RORA: variants seen among roughly 807,000 people sequenced by gnomAD.
RORA encodes RAR related orphan receptor A.
In RORA, 7 loss-of-function variants were observed where a neutral mutation model predicts 69.5. The observed-to-expected ratio is 0.10, with a 90% CI of 0.06 to 0.19. The LOEUF (loss-of-function observed/expected upper bound fraction) is 0.19, where lower values mean the gene tolerates loss of function less well. RORA is among the 10% of genes least tolerant of loss of function. RORA has a pLI of 1.00. For synonymous variants in RORA, 261 were observed against 240.8 expected, an observed-to-expected ratio of 1.08 and a Z score of -0.78; for missense variants, 457 against 663.0, an observed-to-expected ratio of 0.69 and a Z score of 3.41.
chr15:60,753,809 T>A (rs1274903406), intron 1 of RORA, among the ~76,000 whole-genome samples: 2 of 152,260 alleles, frequency 1.3e-5, no homozygotes, highest in African/African-American at 4.8e-5. Flanking sequence ...CACAAATGCA[T>A]GAATTTCTAT....
chr15:61,193,933 G>C (rs530161346), intron 1 of RORA: 1 of 152,252 alleles, frequency 6.6e-6, no homozygotes, highest in African/African-American at 2.4e-5. Context: ...CCTTTTTCAA[G>C]AATTGCTGTA....
At chr15:60,568,376 G>A (rs1248227500) in intron 2 of RORA, among the ~76,000 whole-genome samples, 5 of 152,200 alleles carry the variant, frequency 3.3e-5, no homozygotes, top group African/African-American at 1.2e-4. Context: ...CCTCCATGAG[G>A]CAGCATGGCA....
At chr15:61,036,381 C>T (rs11071584) in intron 1 of RORA, among the ~76,000 whole-genome samples, 8 of 152,032 alleles carry the variant, frequency 5.3e-5, no homozygotes, top group Middle Eastern at 6.8e-3. Flanking sequence ...TACTATAGGG[C>T]GGAAAGCACA....
intron 2 of RORA, among the ~76,000 whole-genome samples, chr15:60,561,860 C>G (rs2067570533): frequency 6.6e-6 from 1 of 152,008 alleles, no homozygotes; most frequent in Non-Finnish European, 1.5e-5. Context: ...TTGTTCCTGA[C>G]TAGATGCTGC....
chr15:61,121,178 C>G (rs1017458096), intron 1 of RORA, among the ~76,000 whole-genome samples: 1 of 152,122 alleles, frequency 6.6e-6, no homozygotes, highest in African/African-American at 2.4e-5. Context: ...ATCCTTACCA[C>G]CACTCCATAA....
At chr15:60,942,631 C>T (rs1892734824) in intron 1 of RORA, among the ~76,000 whole-genome samples, 1 of 152,210 alleles carries the variant, frequency 6.6e-6, no homozygotes, top group South Asian at 2.1e-4. Context: ...ACTGATGATA[C>T]TTAGAGATTG....
At chr15:60,997,427 T>C (rs1352096634) in intron 1 of RORA, among the ~76,000 whole-genome samples, 1 of 152,186 alleles carries the variant, frequency 6.6e-6, no homozygotes, top group Non-Finnish European at 1.5e-5. Flanking sequence ...AGTTTTGCAT[T>C]AGTTTTATTT....
intron 1 of RORA, among the ~76,000 whole-genome samples, chr15:60,825,050 G>A (rs967841280): frequency 6.6e-6 from 1 of 152,196 alleles, no homozygotes; most frequent in Non-Finnish European, 1.5e-5. Context: ...CAAGTGATGA[G>A]AGCATTGTTG....
chr15:60,682,679 G>T (rs567546794), intron 1 of RORA, among the ~76,000 whole-genome samples: 1 of 152,272 alleles, frequency 6.6e-6, no homozygotes, highest in African/African-American at 2.4e-5. Flanking sequence ...ATCCAAGTGG[G>T]CTGCTGATCA....
chr15:61,030,178 C>T (rs1159762160), intron 1 of RORA, among the ~76,000 whole-genome samples: 1 of 152,000 alleles, frequency 6.6e-6, no homozygotes, highest in African/African-American at 2.4e-5. Context: ...ACTAAAGAGA[C>T]CTGACAACTA....
intron 1 of RORA, among the ~76,000 whole-genome samples, chr15:61,228,018 C>T (rs532903796): frequency 3.3e-5 from 5 of 151,962 alleles, no homozygotes; most frequent in Admixed American, 6.5e-5. Context: ...AACTGAGTCC[C>T]CCCCATCCCC....
At chr15:61,049,440 AAAT>A (rs894676251) in intron 1 of RORA, among the ~76,000 whole-genome samples, 1 of 152,200 alleles carries the variant, frequency 6.6e-6, no homozygotes, top group African/African-American at 2.4e-5. Context: ...CCTCAAACGA[AAAT>A]AATAATACTA....
At chr15:60,898,504 T>TAAAG (rs1488569532) in intron 1 of RORA, among the ~76,000 whole-genome samples, 1 of 66,610 alleles carries the variant, frequency 1.5e-5, no homozygotes, top group African/African-American at 8.2e-5. Context: ...TCTCTAAAAA[T>TAAAG]AAATAAATAA....
chr15:60,928,222 A>T (rs1401870758), intron 1 of RORA, among the ~76,000 whole-genome samples: 1 of 152,212 alleles, frequency 6.6e-6, no homozygotes, highest in Admixed American at 6.5e-5. Context: ...CTTTTGCAAC[A>T]TATTCATGGA....
intron 1 of RORA, among the ~76,000 whole-genome samples, chr15:60,775,133 A>G (rs981638942): frequency 1.3e-5 from 2 of 152,116 alleles, no homozygotes; most frequent in African/African-American, 4.8e-5. Flanking sequence ...TAAGTTCCGT[A>G]AACTTGTGTC....
chr15:60,835,531 C>T (rs1263651687), intron 1 of RORA, among the ~76,000 whole-genome samples: 1 of 152,212 alleles, frequency 6.6e-6, no homozygotes, highest in African/African-American at 2.4e-5. Context: ...GAATGTGAGA[C>T]ACCAGTGAAA....
At chr15:60,814,261 C>T (rs79610262) in intron 1 of RORA, among the ~76,000 whole-genome samples, 10,604 of 152,180 alleles carry the variant, frequency 0.07, 532 homozygotes, top group Admixed American at 0.13. Flanking sequence ...ACTCCCCAGG[C>T]AGAATTAGCC....
chr15:61,185,566 C>A (rs1293259137), intron 1 of RORA, among the ~76,000 whole-genome samples: 1 of 152,194 alleles, frequency 6.6e-6, no homozygotes, highest in East Asian at 1.9e-4. Flanking sequence ...ACTGGTCCCC[C>A]AAACTAGAAA....
At chr15:60,785,711 A>C (rs1356469824) in intron 1 of RORA, among the ~76,000 whole-genome samples, 1 of 152,170 alleles carries the variant, frequency 6.6e-6, no homozygotes. Flanking sequence ...GGACCTTTGC[A>C]TATCACACTC....
Sources: gnomAD v4.1 joint callset for allele counts (sites outside exome capture counted in the v4.1 genomes callset) on GRCh38, gnomAD v4.1.1 for gene constraint, MANE v1.5 for transcripts, NCBI Gene and HGNC (gene_info 2026-07-23, HGNC 2026-07-21) for gene names.